BAZ2B: variants seen among roughly 807,000 people sequenced by gnomAD.
BAZ2B encodes the protein bromodomain adjacent to zinc finger domain protein 2B.
In BAZ2B, 91 loss-of-function variants were observed where a neutral mutation model predicts 246.0. That is an observed-to-expected ratio of 0.37 (90% CI 0.31 to 0.44). The LOEUF is 0.44. Ranked by LOEUF, BAZ2B falls within the 20% of genes least tolerant of loss-of-function variation. The pLI, the probability that BAZ2B is intolerant of heterozygous loss-of-function variation, is 1.00. For missense variants in BAZ2B, 2,332 were observed against 2,533.7 expected (o/e 0.92, Z 1.71); for synonymous variants, 855 against 860.0 (o/e 0.99, Z 0.10).
chr2:159,665,579 CTGAG>C, the BAZ2B span, among the ~76,000 whole-genome samples: 10 of 110,450 alleles, frequency 9.1e-5, no homozygotes, highest in East Asian at 1.8e-3. Flanking sequence ...TTTGACAAAC[CTGAG>C]AAAAACAAGC....
chr2:159,454,881 T>G (rs1406162830), intron 3 of BAZ2B, among the ~76,000 whole-genome samples: 1 of 152,198 alleles, frequency 6.6e-6, no homozygotes. Context: ...ATAAGTGTTA[T>G]AACTCCAGGT....
chr2:159,517,041 A>G (rs985531085), intron 2 of BAZ2B, among the ~76,000 whole-genome samples: 1 of 152,152 alleles, frequency 6.6e-6, no homozygotes, highest in African/African-American at 2.4e-5. Context: ...GAGTTATAAT[A>G]AAAGACCAAA....
chr2:159,644,535 T>C, the BAZ2B span, among the ~76,000 whole-genome samples: 2 of 152,146 alleles, frequency 1.3e-5, no homozygotes, highest in Admixed American at 6.6e-5. Context: ...GCAGCACTCA[T>C]GATTTCTGAA....
At chr2:159,517,081 A>T (rs913108305) in intron 2 of BAZ2B, among the ~76,000 whole-genome samples, 1 of 152,198 alleles carries the variant, frequency 6.6e-6, no homozygotes. Context: ...AAGCATGTCT[A>T]TTTTTTTATT....
intron 1 of BAZ2B, among the ~76,000 whole-genome samples, chr2:159,573,497 T>A (rs1684506547): frequency 6.6e-6 from 1 of 152,014 alleles, no homozygotes; most frequent in South Asian, 2.1e-4. Context: ...CCTCACACCA[T>A]ACACAAAAAG....
chr2:159,673,135 A>C, the BAZ2B span, among the ~76,000 whole-genome samples: 1 of 152,220 alleles, frequency 6.6e-6, no homozygotes, highest in Admixed American at 6.5e-5. Context: ...TAATATTCCT[A>C]ATATATAAAG....
chr2:159,558,893 C>T (rs919866585), intron 1 of BAZ2B, among the ~76,000 whole-genome samples: 6 of 152,048 alleles, frequency 3.9e-5, no homozygotes, highest in Admixed American at 1.3e-4. Context: ...AGACAGGAAA[C>T]ATTCTCTCTA....
At chr2:159,332,853 G>A (rs2065009675) in intron 33 of BAZ2B, 167 bp from the exon 34 acceptor site, 1 of 751,638 alleles carries the variant, frequency 1.3e-6, no homozygotes, top group Admixed American at 2.9e-5. Context: ...ACACAGATAT[G>A]GACCACATGA....
intron 16 of BAZ2B, 96 bp downstream of exon 16, chr2:159,404,751 AAT>A (rs137891034): frequency 0.022 from 22,655 of 1,036,286 alleles, 436 homozygotes; most frequent in African/African-American, 0.085. Flanking sequence ...ATTAATGTGA[AAT>A]ATAGTTATTT....
chr2:159,318,882 C>A (rs2062389068), downstream of BAZ2B: 1 of 152,230 alleles, frequency 6.6e-6, no homozygotes, highest in East Asian at 1.9e-4. Flanking sequence ...ACACTCTACA[C>A]ACTGTTCCTC....
At chr2:159,407,408 G>A (rs1454737308) in intron 14 of BAZ2B, among the ~76,000 whole-genome samples, 1 of 152,050 alleles carries the variant, frequency 6.6e-6, no homozygotes, top group Non-Finnish European at 1.5e-5. Context: ...GGAGGAAGAG[G>A]TTGCAGTGAG....
intron 13 of BAZ2B, among the ~76,000 whole-genome samples, chr2:159,427,635 T>A (rs958661067): frequency 1.3e-5 from 2 of 152,180 alleles, no homozygotes; most frequent in Non-Finnish European, 2.9e-5. Context: ...AGAAAACTAA[T>A]GTTTTCCTAT....
the BAZ2B span, among the ~76,000 whole-genome samples, chr2:159,676,955 TATATATATATATATATATATA>T: frequency 1.2e-4 from 3 of 25,826 alleles, no homozygotes; most frequent in African/African-American, 2.0e-4. Flanking sequence ...AGTTTTGTTA[TATATATATATATATATATATA>T]TATATATATA....
intron 6 of BAZ2B, among the ~76,000 whole-genome samples, chr2:159,445,528 A>C (rs1327312434): frequency 6.6e-6 from 1 of 152,194 alleles, no homozygotes; most frequent in Admixed American, 6.5e-5. Flanking sequence ...GAGGTATCAC[A>C]GTCAAGGCTG....
chr2:159,472,442 C>G (rs2077924876), intron 3 of BAZ2B, among the ~76,000 whole-genome samples: 1 of 152,164 alleles, frequency 6.6e-6, no homozygotes, highest in Non-Finnish European at 1.5e-5. Flanking sequence ...TGGAAATTTT[C>G]TATTCCTCTT....
the BAZ2B span, chr2:159,693,662 A>G: frequency 6.6e-6 from 1 of 150,768 alleles, no homozygotes; most frequent in African/African-American, 2.4e-5. Context: ...GATTCAAGGG[A>G]TCCTCACACC....
intron 2 of BAZ2B, among the ~76,000 whole-genome samples, chr2:159,489,149 CACT>C (rs2080172441): frequency 6.6e-6 from 1 of 152,034 alleles, no homozygotes; most frequent in Non-Finnish European, 1.5e-5. Context: ...TATGTTACAC[CACT>C]GAGTCGCTGA....
the BAZ2B span, among the ~76,000 whole-genome samples, chr2:159,668,022 G>A: frequency 6.6e-6 from 1 of 151,974 alleles, no homozygotes; most frequent in East Asian, 1.9e-4. Context: ...TCATGAACAT[G>A]GTATATCTAT....
the BAZ2B span, among the ~76,000 whole-genome samples, chr2:159,685,747 G>T: frequency 6.6e-6 from 1 of 151,952 alleles, no homozygotes; most frequent in East Asian, 1.9e-4. Context: ...ATAATGCAAA[G>T]AATAAAATAA....
Sources: allele counts gnomAD v4.1 joint callset (sites outside exome capture counted in the v4.1 genomes callset), GRCh38; gene constraint gnomAD v4.1.1; transcripts MANE v1.5; gene names NCBI Gene and HGNC (gene_info 2026-07-23, HGNC 2026-07-21).